The following DST variants were observed in gnomAD, a reference collection of about 807,000 sequenced individuals.
The protein encoded by DST is bullous pemphigoid antigen.
Under a neutral mutation model 875.2 loss-of-function variants are expected in DST, and 253 were observed. The observed-to-expected ratio is 0.29, with a 90% CI of 0.26 to 0.32. The LOEUF (loss-of-function observed/expected upper bound fraction) is 0.32, where lower values mean the gene tolerates loss of function less well. Among genes scored for constraint, DST ranks in the 10% least tolerant of loss-of-function variants. The pLI is 1.00. For missense variants in DST, 8,287 were observed against 9,111.6 expected (o/e 0.91, Z 3.68); for synonymous variants, 3,124 against 3,197.1 (o/e 0.98, Z 0.77).
intron 3 of DST, among the ~76,000 whole-genome samples, chr6:56,890,318 T>G (rs1786777636): frequency 6.6e-6 from 1 of 152,190 alleles, no homozygotes; most frequent in South Asian, 2.1e-4. Context: ...CAAGAGTTCT[T>G]ATGATGATGA....
At chr6:56,785,711 C>T (rs112156107) in intron 4 of DST, 6,159 of 153,474 alleles carry the variant, frequency 0.04, 430 homozygotes, top group African/African-American at 0.14. Flanking sequence ...GCGCACGGTG[C>T]GCTGCACCCA....
In DST at chr6:56,647,842, C is replaced by T. The variant is rs955506782; in HGVS notation, c.1554+728G>A. On this transcript the variant is annotated intron_variant, in intron 13 of 103. Coordinates refer to ENST00000680361, the MANE Select transcript of DST (RefSeq NM_001374736.1). ...CTGGGATTACAAGTGTGTGCCACCA[C>T]GCCAGGCTGATTTTTGTATTTTTAA... Among the ~76,000 whole-genome samples the T allele has an allele frequency of 9.2e-5, 14 of 152,068 alleles. No individual in the cohort carries two copies. The South Asian group carries it at 2.3e-3, about 25-fold the overall frequency.
chr6:56,550,313 T>C (rs2097301016), intron 61 of DST, among the ~76,000 whole-genome samples: 1 of 152,160 alleles, frequency 6.6e-6, no homozygotes, highest in Non-Finnish European at 1.5e-5. Context: ...TGAATTTCAA[T>C]AAAATCAATC....
chr6:56,591,581 A>G (rs1236206650), intron 49 of DST, among the ~76,000 whole-genome samples: 2 of 152,204 alleles, frequency 1.3e-5, no homozygotes, highest in Non-Finnish European at 2.9e-5. Context: ...AAGATAAGTA[A>G]GTATAAAGAT....
chr6:56,684,953 G>A (rs892849881), intron 9 of DST, among the ~76,000 whole-genome samples: 2 of 152,028 alleles, frequency 1.3e-5, no homozygotes, highest in African/African-American at 2.4e-5. Flanking sequence ...TTTTCCTCAC[G>A]AGACCAGTTG....
At chr6:56,554,943 T>A (rs2097383934) in intron 60 of DST, among the ~76,000 whole-genome samples, 1 of 152,242 alleles carries the variant, frequency 6.6e-6, no homozygotes, top group African/African-American at 2.4e-5. Context: ...CACATTTCTC[T>A]AGAAAAGTTT....
Position 56,515,443 on chromosome 6 carries a change from G to A in DST, c.18576+7C>T. The A allele has an allele frequency of 6.2e-7, 1 of 1,613,578 alleles. No homozygotes were observed. Among genetic ancestry groups the A allele is most frequent in the African/African-American group, 1.3e-5 (1 of 75,002 alleles). On this transcript the variant is annotated splice_region_variant and intron_variant, in intron 72 of 103. Coordinates refer to ENST00000680361, the MANE Select transcript of DST (RefSeq NM_001374736.1). ...GAATACAATATTCTCTTTCACACCA[G>A]GCTTACCCGATGTTCTTCCTGCTGC...
chr6:56,497,504 T>C lies in DST; in HGVS notation c.20098A>G (p.Lys6700Glu). The change falls in exon 82 of 104, where the codon AAA becomes GAA. Residue 6700 changes from lysine to glutamate, a missense_variant. Coordinates refer to ENST00000680361, the MANE Select transcript of DST (RefSeq NM_001374736.1). ...TCCTCAATTTCGCCATGGAACCCTT[T>C]GGCCTGAAGTAATAGGCAGTTTTAA... ...QQLDGALRQA[K>E]GFHGEIEDLQ... 6.2e-7 allele frequency: 1 copy of C among 1,612,656 alleles called. No homozygotes were observed. Among genetic ancestry groups the C allele is most frequent in the Non-Finnish European group, 8.5e-7 (1 of 1,179,290 alleles).
intron 61 of DST, chr6:56,541,014 A>C (rs2097116129): frequency 1.3e-5 from 2 of 152,754 alleles, no homozygotes; most frequent in East Asian, 3.9e-4. Context: ...CATAAACCAG[A>C]GTCATCCTCC....
intron 4 of DST, among the ~76,000 whole-genome samples, chr6:56,779,287 CT>C: frequency 6.6e-6 from 1 of 152,010 alleles, no homozygotes; most frequent in Non-Finnish European, 1.5e-5. Flanking sequence ...GATATTAGCC[CT>C]TTGTCAGATG....
intron 30 of DST, 85 bp downstream of exon 30, chr6:56,631,126 T>G: frequency 3.7e-6 from 2 of 542,330 alleles, no homozygotes. Flanking sequence ...ATATTTATAT[T>G]AATAAAAATA....
rs563293582 is a variant in DST at position 56,756,300 on chromosome 6, C to T, written c.626-21011G>A. ...CTAGCAGGGAGAGGGGGCTCTCTAG[C>T]AAGGGATACAGAGAAGATCACATGG... On this transcript the variant is annotated intron_variant, in intron 4 of 103. Transcript: ENST00000680361. 1.1e-4 allele frequency among the ~76,000 whole-genome samples: 17 copies of T among 152,232 alleles called. No homozygotes were observed. The East Asian group carries it at 3.1e-3, about 28-fold the overall frequency.
intron 36 of DST, among the ~76,000 whole-genome samples, chr6:56,622,092 T>C (rs2098694799): frequency 6.6e-6 from 1 of 152,244 alleles, no homozygotes; most frequent in South Asian, 2.1e-4. Flanking sequence ...TACTAAGTTT[T>C]CAGTATTTCT....
intron 4 of DST, among the ~76,000 whole-genome samples, chr6:56,747,631 T>C (rs1231492749): frequency 2.6e-5 from 4 of 152,222 alleles, no homozygotes; most frequent in Non-Finnish European, 5.9e-5. Context: ...ACTCTTAATC[T>C]GTAACATGCT....
intron 4 of DST, among the ~76,000 whole-genome samples, chr6:56,750,887 A>T (rs1022212993): frequency 6.6e-6 from 1 of 152,120 alleles, no homozygotes; most frequent in African/African-American, 2.4e-5. Context: ...TGTGTTCTAT[A>T]AGCCAATGTC....
chr6:56,528,953 G>A, intron 66 of DST, 28 bp from the exon 67 acceptor site: 2 of 1,427,156 alleles, frequency 1.4e-6, no homozygotes, highest in Non-Finnish European at 1.9e-6. Context: ...ATTTTTATGT[G>A]GGGGGAAAAA....
intron 4 of DST, among the ~76,000 whole-genome samples, chr6:56,761,494 G>A (rs2152963287): frequency 6.6e-6 from 1 of 152,262 alleles, no homozygotes; most frequent in African/African-American, 2.4e-5. Context: ...ATTGATAATA[G>A]GAATTTAACC....
At chr6:56,517,755 A>G in intron 69 of DST, 135 bp from the exon 70 acceptor site, 1 of 1,029,498 alleles carries the variant, frequency 9.7e-7, no homozygotes, top group Non-Finnish European at 1.4e-6. Context: ...ATCCTAAAAT[A>G]ATTCGTGATA....
At chr6:56,764,468 G>T (rs1250948571) in intron 4 of DST, among the ~76,000 whole-genome samples, 1 of 152,158 alleles carries the variant, frequency 6.6e-6, no homozygotes, top group Non-Finnish European at 1.5e-5. Context: ...TCCCCTGGCT[G>T]CAGGTGCGGT....
Sources: gnomAD v4.1 joint callset for allele counts (sites outside exome capture counted in the v4.1 genomes callset) on GRCh38, gnomAD v4.1.1 for gene constraint, MANE v1.5 for transcripts, NCBI Gene and HGNC (gene_info 2026-07-23, HGNC 2026-07-21) for gene names.